NCOR2: variants seen among roughly 807,000 people sequenced by gnomAD.
NCOR2 encodes the protein nuclear receptor corepressor 2.
In NCOR2, 81 loss-of-function variants were observed where a neutral mutation model predicts 262.9. That is an observed-to-expected ratio of 0.31 (90% CI 0.26 to 0.37). NCOR2 has a LOEUF of 0.37. Ranked by LOEUF, NCOR2 falls within the 10% of genes least tolerant of loss-of-function variation. The pLI is 1.00. For missense variants in NCOR2, 3,385 were observed against 3,621.4 expected (o/e 0.93, Z 1.68); for synonymous variants, 1,659 against 1,559.3 (o/e 1.06, Z -1.51).
chr12:124,427,577 C>T (rs1045396363), intron 10 of NCOR2, among the ~76,000 whole-genome samples: 2 of 152,212 alleles, frequency 1.3e-5, no homozygotes, highest in Non-Finnish European at 2.9e-5. Context: ...AACCTCTTCA[C>T]TCAATGTGCA....
At chr12:124,463,893 C>T (rs1426684938) in intron 5 of NCOR2, among the ~76,000 whole-genome samples, 3 of 151,836 alleles carry the variant, frequency 2.0e-5, no homozygotes, top group South Asian at 2.1e-4. Flanking sequence ...GCCTCCATCT[C>T]CCCTCCCTTC....
intron 41 of NCOR2, among the ~76,000 whole-genome samples, chr12:124,333,662 C>T (rs1445112261): frequency 6.6e-6 from 1 of 151,314 alleles, no homozygotes; most frequent in African/African-American, 2.4e-5. Context: ...ACACATTACC[C>T]CCCCCGCCCC....
chr12:124,499,719 C>T (rs918918846), upstream of NCOR2, among the ~76,000 whole-genome samples: 13 of 152,128 alleles, frequency 8.5e-5, no homozygotes, highest in Non-Finnish European at 1.9e-4. Context: ...CAGAGTCATT[C>T]AGGGCCCCAT....
At chr12:124,351,874 T>A (rs1318344533) in intron 27 of NCOR2, among the ~76,000 whole-genome samples, 1 of 152,168 alleles carries the variant, frequency 6.6e-6, no homozygotes, top group Non-Finnish European at 1.5e-5. Flanking sequence ...ACGGTAAAGG[T>A]CCTACTATAT....
Position 124,483,728 on chromosome 12 carries a change from G to A in NCOR2, c.279C>T (p.Pro93=), listed in dbSNP as rs777360867. The change falls in exon 3 of 47, where the codon CCC becomes CCT. Residue 93 remains proline, a synonymous_variant. Transcript: ENST00000405201. This position sits in a 1 kb window ranked among gnomAD's most constrained non-coding sequence, Gnocchi z 6.3. ...ACTCCATCTCTGACTTCCCCAGCTC[G>A]GGCAGGTATGAGTGGGACTCTGGCC... 292 of 1,611,090 alleles carry A rather than the reference G, an allele frequency of 1.8e-4. 5 individuals are homozygous for A. The East Asian group carries it at 5.8e-3, about 32-fold the overall frequency.
intron 7 of NCOR2, among the ~76,000 whole-genome samples, chr12:124,441,315 G>T (rs1369516397): frequency 5.9e-5 from 9 of 152,198 alleles, no homozygotes; most frequent in Admixed American, 5.2e-4. Flanking sequence ...AAGGTTTCCG[G>T]CTGCCAGAGC....
Position 124,457,847 on chromosome 12 carries a change from G to A in NCOR2, c.706-685C>T, listed in dbSNP as rs1168127062. On this transcript the variant is annotated intron_variant, in intron 5 of 46. Transcript: ENST00000405201. The surrounding 1 kb of genome is among the most constrained non-coding windows in gnomAD (Gnocchi z 4.0). ...AAGGCAGACATTGTGCCTCGGCCAG[G>A]CCCACCAGCCCGCAGCCTGGGACCA... Among the ~76,000 whole-genome samples the A allele has an allele frequency of 6.6e-6, 1 of 151,890 alleles. No homozygotes were observed. Among genetic ancestry groups the A allele is most frequent in the Non-Finnish European group, 1.5e-5 (1 of 67,950 alleles).
At chr12:124,560,284 C>T (rs1362588176) in intron 1 of NCOR2, among the ~76,000 whole-genome samples, 1 of 152,258 alleles carries the variant, frequency 6.6e-6, no homozygotes, top group African/African-American at 2.4e-5. Context: ...ACTTTGCAAA[C>T]GCTGTACCCA....
rs958596035 is a variant in NCOR2, at chr12:124,396,790, A to C, written c.1876+1329T>G. ...GCTGTGGGGACCCTCAGCACCCCCC[A>C]CAACTACAGTGGAGGACGGGGCCGG... On this transcript the variant is annotated intron_variant, in intron 16 of 46. Coordinates refer to ENST00000405201, the Ensembl canonical transcript of NCOR2. 1.5e-4 allele frequency among the ~76,000 whole-genome samples: 23 copies of C among 152,106 alleles called. 1 individual carries two copies. Among genetic ancestry groups the C allele is most frequent in the Non-Finnish European group, 1.3e-4 (9 of 67,984 alleles).
At chr12:124,516,623 A>C (rs1417323188) in intron 1 of NCOR2, among the ~76,000 whole-genome samples, 1 of 152,040 alleles carries the variant, frequency 6.6e-6, no homozygotes, top group African/African-American at 2.4e-5. Flanking sequence ...ACACACCGGC[A>C]GGCTGCAGTG....
At chr12:124,344,769 G>A (rs929491817) in exon 32 of NCOR2, 15 of 1,549,632 alleles carry the variant, frequency 9.7e-6, no homozygotes, top group African/African-American at 2.7e-5. Flanking sequence ...AGCTGCTGGC[G>A]GTCCCTGGCC....
chr12:124,370,691 T>G (rs1014219162), intron 20 of NCOR2, among the ~76,000 whole-genome samples: 1 of 152,168 alleles, frequency 6.6e-6, no homozygotes, highest in East Asian at 1.9e-4. Context: ...GCTGGAGGCC[T>G]TGAGGCCCAA....
At chr12:124,368,901 A>G (rs1004146864) in intron 20 of NCOR2, among the ~76,000 whole-genome samples, 3 of 152,204 alleles carry the variant, frequency 2.0e-5, no homozygotes, top group Non-Finnish European at 4.4e-5. Flanking sequence ...GCCATCAGTC[A>G]CTTGCAGAAT....
At chr12:124,326,287 G>A (rs761145072) in exon 46 of NCOR2, 3 of 1,566,516 alleles carry the variant, frequency 1.9e-6, no homozygotes, top group South Asian at 1.2e-5. Context: ...GAGGGTGGCC[G>A]GTCCCCAGAT....
intron 5 of NCOR2, among the ~76,000 whole-genome samples, chr12:124,463,311 C>T (rs376248954): frequency 6.6e-6 from 1 of 152,358 alleles, no homozygotes; most frequent in South Asian, 2.1e-4. Context: ...CTCACCCTAA[C>T]GCCCTCCTTC....
At chr12:124,529,179 CAAAAAAAAAAAA>C (rs148397454) in intron 1 of NCOR2, among the ~76,000 whole-genome samples, 2 of 52,182 alleles carry the variant, frequency 3.8e-5, no homozygotes, top group Admixed American at 5.7e-4. Flanking sequence ...AACTCCGACT[CAAAAAAAAAAAA>C]AAAAAAAAAA....
upstream of NCOR2, among the ~76,000 whole-genome samples, chr12:124,497,465 T>A (rs547560190): frequency 0.021 from 3,206 of 152,312 alleles, 109 homozygotes; most frequent in African/African-American, 0.074. The surrounding 1 kb of genome is among the most constrained non-coding windows in gnomAD (Gnocchi z 4.2). Context: ...GCGTAGGGAC[T>A]TTTTTATAGA....
chr12:124,415,841 C>T (rs2042829675), intron 13 of NCOR2, among the ~76,000 whole-genome samples: 1 of 152,142 alleles, frequency 6.6e-6, no homozygotes, highest in Non-Finnish European at 1.5e-5. Context: ...CCCGGTGCCC[C>T]AGCCTGGCCC....
chr12:124,380,244 G>T (rs1033113097), intron 17 of NCOR2, among the ~76,000 whole-genome samples: 1 of 152,158 alleles, frequency 6.6e-6, no homozygotes, highest in African/African-American at 2.4e-5. Context: ...GAGGAGAGGG[G>T]GTCTCGGGCT....
Sources: gnomAD v4.1 joint callset for allele counts (sites outside exome capture counted in the v4.1 genomes callset) on GRCh38, gnomAD v4.1.1 for gene constraint, Gnocchi (gnomAD v3.1) non-coding constraint, MANE v1.5 for transcripts, NCBI Gene and HGNC (gene_info 2026-07-23, HGNC 2026-07-21) for gene names.